The following THBS4 variants were observed in gnomAD, a reference collection of about 807,000 sequenced individuals.
THBS4 encodes thrombospondin 4, also known as thrombospondin-4.
A neutral mutation model predicts 115.7 loss-of-function variants in THBS4; 90 were observed. The ratio of observed to expected loss-of-function variants is 0.78; its 90% CI spans 0.66 to 0.93. The LOEUF is 0.93. Ranked by LOEUF, THBS4 falls within the 40% of genes least tolerant of loss-of-function variation. THBS4 has a pLI of 0.00. For synonymous variants in THBS4, 460 were observed against 479.3 expected (o/e 0.96, Z 0.53); for missense variants, 1,087 against 1,232.7 (o/e 0.88, Z 1.77).
intron 8 of THBS4, among the ~76,000 whole-genome samples, chr5:80,062,387 CTG>C (rs1833665256): frequency 6.6e-6 from 1 of 152,130 alleles, no homozygotes. Context: ...AACTGACTGA[CTG>C]TGAAATTCTT....
chr5:80,056,785 G>C (rs1833446975), intron 3 of THBS4, among the ~76,000 whole-genome samples: 1 of 152,038 alleles, frequency 6.6e-6, no homozygotes, highest in Non-Finnish European at 1.5e-5. Flanking sequence ...CTTCTGTAAT[G>C]GTCCATATTA....
chr5:80,034,008 G>A (rs414797), upstream of THBS4, among the ~76,000 whole-genome samples: 85,662 of 151,916 alleles, frequency 0.56, 24,673 homozygotes, highest in African/African-American at 0.68. Flanking sequence ...TGCTTGAAGC[G>A]TAGCTTGGGA....
chr5:80,018,439 G>C, intron 2 of THBS4, among the ~76,000 whole-genome samples: 1 of 137,296 alleles, frequency 7.3e-6, no homozygotes, highest in South Asian at 2.2e-4. Context: ...TTGTCACCCA[G>C]GCTGGAGTGC....
chr5:80,023,124 A>G (rs560877830), intron 2 of THBS4, among the ~76,000 whole-genome samples: 1 of 152,234 alleles, frequency 6.6e-6, no homozygotes. Context: ...ATCACATGAA[A>G]ACCCAGTCCC....
Position 80,035,508 on chromosome 5 carries a change from C to T in THBS4, c.-30C>T. 1 of 1,312,412 alleles carries T rather than the reference C, an allele frequency of 7.6e-7. No individual in the cohort carries two copies. The highest frequency in any genetic ancestry group is 9.7e-7 in the Non-Finnish European group (1 of 1,030,822). 81.3% of individuals were successfully genotyped at this position (1,312,412 alleles called of 1,614,324 possible). ...GGCGGGGCCAACGCCGCCGTCGCCC[C>T]CGGCCTCGCGGGGAGCAGGAAGAGC... On this transcript the variant is annotated 5_prime_UTR_variant, in exon 1 of 22. Transcript: ENST00000350881. This position sits in a 1 kb window ranked among gnomAD's most constrained non-coding sequence, Gnocchi z 4.6.
intron 13 of THBS4, 64 bp downstream of exon 13, chr5:80,071,244 A>G: frequency 1.3e-6 from 2 of 1,522,698 alleles, no homozygotes; most frequent in Non-Finnish European, 1.7e-6. Context: ...TTGTTCTCTG[A>G]GAGAGTAGGA....
chr5:80,070,791 C>CAGGGATGATGGG, intron 12 of THBS4, 41 bp downstream of exon 12: 1 of 1,601,134 alleles, frequency 6.2e-7, no homozygotes, highest in East Asian at 2.2e-5. Flanking sequence ...TGCCACGTAC[C>CAGGGATGATGGG]AGGGATGATG....
intron 19 of THBS4, 30 bp from the exon 20 acceptor site, chr5:80,079,863 GCCTGTGTCCTGT>G: frequency 6.3e-7 from 1 of 1,594,714 alleles, no homozygotes; most frequent in South Asian, 1.1e-5. Context: ...GAAGGGTGGT[GCCTGTGTCCTGT>G]CCTAAAACCT....
intron 2 of THBS4, among the ~76,000 whole-genome samples, chr5:80,030,199 T>A (rs76213879): frequency 3.9e-5 from 6 of 151,934 alleles, no homozygotes; most frequent in African/African-American, 9.7e-5. Flanking sequence ...CTTTTTTTTT[T>A]ATTATTTTTA....
At chr5:80,073,198 G>T in intron 14 of THBS4, 77 bp from the exon 15 acceptor site, 1 of 1,433,454 alleles carries the variant, frequency 7.0e-7, no homozygotes, top group Non-Finnish European at 9.8e-7. Context: ...CAATGATGAT[G>T]GGTGAGGTCT....
At chr5:80,040,401 A>G (rs1832860472) in intron 2 of THBS4, 121 bp downstream of exon 2, 7 of 545,732 alleles carry the variant, frequency 1.3e-5, no homozygotes, top group Admixed American at 6.8e-5. Context: ...TAGTCATTTC[A>G]GTTTTTAATA....
chr5:80,080,209 C>A, intron 20 of THBS4, 132 bp downstream of exon 20: 1 of 1,110,546 alleles, frequency 9.0e-7, no homozygotes, highest in Non-Finnish European at 1.3e-6. Context: ...ACTTTTGTGA[C>A]CGCAGGATGG....
chr5:80,058,855 T>G, intron 5 of THBS4, 65 bp downstream of exon 5: 1 of 1,496,640 alleles, frequency 6.7e-7, no homozygotes, highest in South Asian at 1.2e-5. Flanking sequence ...CACAAGCTAG[T>G]GGAGCTGCAG....
intron 2 of THBS4, among the ~76,000 whole-genome samples, chr5:80,002,788 A>T (rs1831929722): frequency 6.6e-6 from 1 of 151,604 alleles, no homozygotes; most frequent in Non-Finnish European, 1.5e-5. Flanking sequence ...AAAATAAAAG[A>T]GTCTAAAATT....
At chr5:80,000,706 A>G (rs907442503) in intron 2 of THBS4, among the ~76,000 whole-genome samples, 3 of 152,182 alleles carry the variant, frequency 2.0e-5, no homozygotes, top group Non-Finnish European at 2.9e-5. Context: ...AACCAAAAGG[A>G]TAAGATGAGA....
At chr5:80,062,749 T>C (rs1179412857) in intron 8 of THBS4, among the ~76,000 whole-genome samples, 7 of 152,284 alleles carry the variant, frequency 4.6e-5, no homozygotes, top group African/African-American at 9.6e-5. Context: ...GTGTTCTCAT[T>C]GTTCAATTCC....
At chr5:80,046,422 C>A (rs1367521554) in intron 2 of THBS4, among the ~76,000 whole-genome samples, 1 of 152,152 alleles carries the variant, frequency 6.6e-6, no homozygotes, top group Non-Finnish European at 1.5e-5. Flanking sequence ...ACAGGACAGG[C>A]AAATGTTTCC....
chr5:80,035,715 C>T lies in THBS4; in HGVS notation c.88+90C>T, dbSNP rs17886956. On this transcript the variant is annotated intron_variant, in intron 1 of 21. Transcript: ENST00000350881. This position sits in a 1 kb window ranked among gnomAD's most constrained non-coding sequence, Gnocchi z 4.6. ...GAGGGACTTGCTCGGCCCTGTGCTC[C>T]TGTGGCCTTGCTCAGCCCCTCTCTG... 1.3e-3 allele frequency: 1,212 copies of T among 950,566 alleles called. 9 individuals carry two copies. The highest frequency in any genetic ancestry group is 0.012 in the African/African-American group (705 of 58,854). The allele number at this position is 950,566 out of a possible 1,614,324, so 58.9% of individuals were successfully genotyped here.
chr5:79,998,639 A>G (rs1831843168), intron 2 of THBS4, among the ~76,000 whole-genome samples: 1 of 152,232 alleles, frequency 6.6e-6, no homozygotes, highest in Admixed American at 6.5e-5. Flanking sequence ...TACAATAGTT[A>G]CAGTAGATGT....
Sources: gnomAD v4.1 joint callset for allele counts (sites outside exome capture counted in the v4.1 genomes callset) on GRCh38, gnomAD v4.1.1 for gene constraint, Gnocchi (gnomAD v3.1) non-coding constraint, MANE v1.5 for transcripts, NCBI Gene and HGNC (gene_info 2026-07-23, HGNC 2026-07-21) for gene names.